Variants in WDR19 observed in about 807,000 individuals in gnomAD.
WDR19 encodes the protein WD repeat domain 19.
In WDR19, 121 loss-of-function variants were observed where a neutral mutation model predicts 180.0. The ratio of observed to expected loss-of-function variants is 0.67; its 90% CI spans 0.58 to 0.78. The LOEUF (loss-of-function observed/expected upper bound fraction) is 0.78. Among genes scored for constraint, WDR19 ranks in the 30% least tolerant of loss-of-function variants. WDR19 has a pLI of 0.00. For missense variants in WDR19, 1,450 were observed against 1,640.7 expected (o/e 0.88, Z 2.01); for synonymous variants, 497 against 540.7 (o/e 0.92, Z 1.12).
At chr4:39,253,850 T>G in intron 25 of WDR19, 56 bp from the exon 26 acceptor site, 1 of 1,474,316 alleles carries the variant, frequency 6.8e-7, no homozygotes, top group South Asian at 1.4e-5. Flanking sequence ...GTTGAAAAAT[T>G]TTGTAAATCA....
At chr4:39,273,200 C>A in intron 32 of WDR19, 139 bp downstream of exon 32, 1 of 628,102 alleles carries the variant, frequency 1.6e-6, no homozygotes, top group Admixed American at 3.5e-5. Context: ...TATGTCAGGG[C>A]CCCAAGACCA....
rs1252682251 is a variant in WDR19, at chr4:39,217,296, G to A, written c.1356+56G>A. The A allele has an allele frequency of 7.5e-6, 10 of 1,339,606 alleles. No homozygotes were observed. The Admixed American group carries it at 7.9e-5, about 11-fold the overall frequency. The allele number at this position is 1,339,606 out of a possible 1,614,324, so 83.0% of individuals were successfully genotyped here. A position where few individuals can be genotyped will look rare whatever the true frequency, so the allele number is the denominator to read the frequency against. ...GCTAAGTTATAATGAACAGCCTAAT[G>A]TCTGATTATCAAGAATATTGGTCAG... On this transcript the variant is annotated intron_variant, in intron 13 of 36. Transcript: ENST00000399820.
chr4:39,243,200 C>T (rs986990332), intron 21 of WDR19, among the ~76,000 whole-genome samples: 8 of 152,028 alleles, frequency 5.3e-5, no homozygotes, highest in African/African-American at 1.9e-4. Context: ...AGAATATTTT[C>T]TTATAAGTCA....
In WDR19 at chr4:39,228,328, C is replaced by G; in HGVS notation, c.1748C>G (p.Thr583Ser). 6.2e-7 allele frequency: 1 copy of G among 1,611,766 alleles called. No individual in the cohort carries two copies. Among genetic ancestry groups the G allele is most frequent in the Non-Finnish European group, 8.5e-7 (1 of 1,178,196 alleles). The change falls in exon 16 of 37, where the codon ACT becomes AGT. Residue 583 changes from threonine to serine, a missense_variant. By Grantham distance (58) the Thr-to-Ser change is moderately conservative. Transcript: ENST00000399820. ...FIAYDDDKVY[T>S]YVFHKDTIQG... ...GCTTATGATGATGATAAGGTGTACA[C>G]TTATGTCTTTCACAAGGACACTATA...
rs766752510 is a variant in WDR19, at chr4:39,278,164, T to C, written c.3874T>C (p.Cys1292Arg). The change falls in exon 35 of 37, where the codon TGT becomes CGT. Residue 1292 changes from cysteine to arginine, a missense_variant. Transcript: ENST00000399820. ...CATGTTGAAAGATGACTGGACGGTG[T>C]GTCCACATTGTGACTTCCCTGCTCT... is the stretch of plus-strand genomic sequence containing the variant. The part of the protein sequence containing the change: ...RHMLKDDWTV[C>R]PHCDFPALYS... The C allele has an allele frequency of 1.9e-5, 31 of 1,607,598 alleles. No individual in the cohort carries two copies. The highest frequency in any genetic ancestry group is 1.3e-4 in the South Asian group (12 of 89,164).
intron 28 of WDR19, among the ~76,000 whole-genome samples, chr4:39,265,421 G>A (rs181010207): frequency 1.3e-5 from 2 of 152,134 alleles, no homozygotes; most frequent in East Asian, 3.9e-4. Flanking sequence ...CGTTGTGTCA[G>A]TGCTTGTGCT....
chr4:39,239,142 T>A (rs1357121205), intron 20 of WDR19, among the ~76,000 whole-genome samples: 1 of 152,042 alleles, frequency 6.6e-6, no homozygotes, highest in Non-Finnish European at 1.5e-5. Flanking sequence ...CACACCCGGC[T>A]AATTTTTGTA....
At chr4:39,255,995 G>A (rs199942954) in intron 27 of WDR19, 35 bp downstream of exon 27, 131 of 1,044,206 alleles carry the variant, frequency 1.3e-4, no homozygotes, top group Non-Finnish European at 1.7e-4. Flanking sequence ...CACTGACTCC[G>A]CAGGAATAAT....
In WDR19 at chr4:39,277,092, T is replaced by C; in HGVS notation, c.3789T>C (p.Cys1263=). 2 of 1,613,936 alleles carry C rather than the reference T, an allele frequency of 1.2e-6. No homozygotes were observed. The highest frequency in any genetic ancestry group is 1.7e-6 in the Non-Finnish European group (2 of 1,179,854). Residue 1263 remains cysteine, a synonymous_variant, in exon 34 of 37, where the codon TGT becomes TGC. Transcript: ENST00000399820. ...CPFCKFLLPE[C]ELLCPGCKNS... is the part of the protein sequence containing the mutation. Reference sequence around the variant, plus strand: ...TCTGCAAATTTCTTCTCCCAGAGTGTGAACTCCTCTGTCCTGGATGTAAAA... The same window carrying C: ...TCTGCAAATTTCTTCTCCCAGAGTGCGAACTCCTCTGTCCTGGATGTAAAA...
At chr4:39,249,041 C>T (rs1353622968) in intron 24 of WDR19, among the ~76,000 whole-genome samples, 1 of 152,200 alleles carries the variant, frequency 6.6e-6, no homozygotes, top group Non-Finnish European at 1.5e-5. Context: ...CCCAAATCAA[C>T]AGAATATACG....
intron 28 of WDR19, among the ~76,000 whole-genome samples, chr4:39,264,680 G>C (rs988891123): frequency 1.3e-5 from 2 of 152,148 alleles, no homozygotes; most frequent in African/African-American, 4.8e-5. Flanking sequence ...AGACTGTTCA[G>C]TGTTCCTTCC....
chr4:39,222,222 T>G (rs1729772387), intron 14 of WDR19, among the ~76,000 whole-genome samples: 1 of 152,226 alleles, frequency 6.6e-6, no homozygotes, highest in Non-Finnish European at 1.5e-5. Flanking sequence ...ATATCTTTGG[T>G]GAAGCGTCTG....
In WDR19 at chr4:39,244,504, G is replaced by GTC. The variant is rs1421636172; in HGVS notation, c.2601_2602dup (p.Tyr868SerfsTer50). 16 of 1,613,830 alleles carry GTC rather than the reference G, an allele frequency of 9.9e-6. No individual in the cohort carries two copies. The highest frequency in any genetic ancestry group is 1.4e-5 in the Non-Finnish European group (16 of 1,179,886). On this transcript the variant is annotated frameshift_variant, in exon 23 of 37. Coordinates refer to ENST00000399820, the MANE Select transcript of WDR19 (RefSeq NM_025132.4). LOFTEE classifies it high-confidence loss of function. ...GAAGCGGCCCAACTGTATGAAAAAG[G>GTC]TCTCTACTACGATAAAGCAGCATCT...
intron 10 of WDR19, 138 bp downstream of exon 10, chr4:39,214,809 G>A (rs1031771728): frequency 1.9e-6 from 1 of 530,206 alleles, no homozygotes; most frequent in African/African-American, 2.4e-5. Context: ...TTCTTGTTTT[G>A]TAGCCCTGGA....
chr4:39,284,455 C>G (rs1373119078), intron 36 of WDR19, among the ~76,000 whole-genome samples: 1 of 149,530 alleles, frequency 6.7e-6, no homozygotes, highest in Non-Finnish European at 1.5e-5. Flanking sequence ...CTTCCTGCCT[C>G]AGCCTTGCAA....
chr4:39,214,753 C>A, intron 10 of WDR19, 82 bp downstream of exon 10: 1 of 863,376 alleles, frequency 1.2e-6, no homozygotes, highest in Non-Finnish European at 1.8e-6. Flanking sequence ...GTGTGATTTG[C>A]ATTCGTTGTA....
chr4:39,234,902 G>T (rs1398997272), intron 20 of WDR19, 27 bp downstream of exon 20: 1 of 1,430,716 alleles, frequency 7.0e-7, no homozygotes. Context: ...ATACATTTCA[G>T]TCAGTAGCTA....
chr4:39,237,705 A>T (rs1291947523), intron 20 of WDR19: 2 of 152,196 alleles, frequency 1.3e-5, no homozygotes, highest in East Asian at 3.8e-4. Flanking sequence ...TTCCTTATAA[A>T]TGCCTATACC....
chr4:39,253,163 T>C lies in WDR19; in HGVS notation c.2747T>C (p.Val916Ala). The C allele has an allele frequency of 6.2e-7, 1 of 1,607,916 alleles. No homozygotes were observed. The highest frequency in any genetic ancestry group is 1.7e-4 in the Middle Eastern group (1 of 6,040). Residue 916 changes from valine to alanine, a missense_variant, in exon 25 of 37, where the codon GTA becomes GCA. Physicochemically the swap from Val to Ala is moderately conservative, Grantham distance 64. Transcript: ENST00000399820. Reference sequence around the variant, plus strand: ...TTTTACAGATACAAAGAAGCTGTTGTAGCTTATGAAAATGCAAAACAGTGG... The same window carrying C: ...TTTTACAGATACAAAGAAGCTGTTGCAGCTTATGAAAATGCAAAACAGTGG... The part of the protein sequence containing the change: ...EADGRYKEAV[V>A]AYENAKQWQS...
Sources: gnomAD v4.1 joint callset for allele counts (sites outside exome capture counted in the v4.1 genomes callset) on GRCh38, gnomAD v4.1.1 for gene constraint, MANE v1.5 for transcripts, NCBI Gene and HGNC (gene_info 2026-07-23, HGNC 2026-07-21) for gene names.